Variants in SFI1 observed in about 807,000 individuals in gnomAD.
SFI1 encodes SFI1 centrin binding protein, also known as protein SFI1 homolog.
SFI1 carries 195 observed loss-of-function variants against 207.5 expected under a neutral mutation model. That is an observed-to-expected ratio of 0.94 (90% confidence interval 0.84 to 1.06). The LOEUF (loss-of-function observed/expected upper bound fraction) is 1.06, where lower values mean the gene tolerates loss of function less well. SFI1 is among the 50% of genes least tolerant of loss of function. The probability of loss-of-function intolerance (pLI) is 0.00; values close to 1 mark genes in which losing one functional copy is unlikely to be tolerated. For missense variants in SFI1, 1,634 were observed against 1,588.0 expected, an observed-to-expected ratio of 1.03 and a Z score of -0.49; for synonymous variants, 630 against 598.9, an observed-to-expected ratio of 1.05 and a Z score of -0.76.
At position 31,613,606 on chromosome 22, in the gene SFI1, C is replaced by G. The variant is rs763131591; in HGVS notation, c.2747C>G (p.Ala916Gly). 1 of 1,581,166 alleles carries G rather than the reference C, an allele frequency of 6.3e-7. No homozygotes were observed. The highest frequency in any genetic ancestry group is 1.1e-5 in the South Asian group (1 of 87,616). Residue 916 changes from alanine (A) to glycine (G), a missense_variant, in exon 27 of 33, where the codon GCT (alanine) becomes GGT (glycine). Transcript: ENST00000400288. ...TGACCAGAGGCTGTGTTGTAGGCGG[C>G]TCACAGTCTCCATCGTGCCGTCCGC... ...QLQAQQQVQA[A>G]HSLHRAVRRC...
intron 2 of SFI1, among the ~76,000 whole-genome samples, chr22:31,519,273 ATT>A (rs201811890): frequency 2.6e-4 from 34 of 132,082 alleles, no homozygotes; most frequent in Non-Finnish European, 2.4e-4. Context: ...TTTATTTTCC[ATT>A]TTTTTTTTTT....
chr22:31,524,571 C>T (rs1169090307), intron 2 of SFI1, among the ~76,000 whole-genome samples: 1 of 151,866 alleles, frequency 6.6e-6, no homozygotes, highest in African/African-American at 2.4e-5. Flanking sequence ...TACAAGCACA[C>T]ACCACCATGC....
chr22:31,613,156 G>A lies in SFI1; in HGVS notation c.2505G>A (p.Arg835=). 1 of 1,613,588 alleles carries A rather than the reference G, an allele frequency of 6.2e-7. No homozygotes were observed. The highest frequency in any genetic ancestry group is 8.5e-7 in the Non-Finnish European group (1 of 1,180,008). ...TCTGGCCCTAGCTGGCAGCCAGGAGGCAGGAGCAGCGGGCGACAGTGCGGG... is the reference window on the plus strand; with the variant it reads ...TCTGGCCCTAGCTGGCAGCCAGGAGACAGGAGCAGCGGGCGACAGTGCGGG... ...RQWRQQLAAR[R]QEQRATVRAL... The change falls in exon 25 of 33, where the codon AGG becomes AGA. Residue 835 remains arginine, a synonymous_variant. Coordinates refer to ENST00000400288, the MANE Select transcript of SFI1 (RefSeq NM_001007467.3).
chr22:31,580,647 A>G (rs925688831), intron 12 of SFI1, among the ~76,000 whole-genome samples: 5 of 150,606 alleles, frequency 3.3e-5, no homozygotes, highest in African/African-American at 1.2e-4. Context: ...GGTTCAAGCA[A>G]TTCTCCTGCC....
chr22:31,613,257 C>T lies in SFI1; in HGVS notation c.2565+41C>T, dbSNP rs376396387. On this transcript the variant is annotated intron_variant, in intron 25 of 32. Coordinates refer to ENST00000400288, the MANE Select transcript of SFI1 (RefSeq NM_001007467.3). ...CATCCTACCATCCCTGCCTCTCCCTCAGGCCTTAGCCCTGCCTTGGGTGGA... is the reference window on the plus strand; with the variant it reads ...CATCCTACCATCCCTGCCTCTCCCTTAGGCCTTAGCCCTGCCTTGGGTGGA... The T allele has an allele frequency of 3.1e-6, 5 of 1,612,544 alleles. No individual in the cohort carries two copies. In the African/African-American group the frequency reaches 4.0e-5, roughly 13 times the overall value.
At position 31,580,356 on chromosome 22, in the gene SFI1, G is replaced by A. The variant is rs904672555; in HGVS notation, c.1240G>A (p.Gly414Ser). Residue 414 changes from glycine to serine, a missense_variant, in exon 12 of 33, where the codon GGT becomes AGT. Physicochemically the swap from Gly to Ser is moderately conservative, Grantham distance 56. Transcript: ENST00000400288. Reference protein sequence around the residue: ...IRRNLAHQQHGVTLLHRFWNL... With the variant: ...IRRNLAHQQHSVTLLHRFWNL... ...AAGGAATCTTGCTCACCAGCAGCAT[G>A]GTGTCACGGTGAGGGTTGTCTTCTG... The A allele has an allele frequency of 2.5e-6, 4 of 1,613,322 alleles. No individual in the cohort carries two copies. The highest frequency in any genetic ancestry group is 1.3e-5 in the African/African-American group (1 of 74,858).
At chr22:31,525,509 C>G (rs1234746305) in intron 2 of SFI1, among the ~76,000 whole-genome samples, 1 of 152,138 alleles carries the variant, frequency 6.6e-6, no homozygotes, top group Non-Finnish European at 1.5e-5. Context: ...AGGCGGATCA[C>G]TTGAGCCTGG....
At chr22:31,612,427 A>ATATATATATATATAT (rs1569462696) in intron 24 of SFI1, 2 of 124,752 alleles carry the variant, frequency 1.6e-5, no homozygotes, top group African/African-American at 5.9e-5. Flanking sequence ...ATATATATAT[A>ATATATATATATATAT]ATCAGTGGGC....
intron 5 of SFI1, among the ~76,000 whole-genome samples, chr22:31,548,051 A>G (rs979523342): frequency 1.3e-5 from 2 of 151,374 alleles, no homozygotes; most frequent in Non-Finnish European, 1.5e-5. Flanking sequence ...CGTCTCTACT[A>G]AAAAATACAA....
intron 24 of SFI1, 136 bp from the exon 25 acceptor site, chr22:31,613,006 C>CT (rs768334486): frequency 2.4e-5 from 20 of 828,872 alleles, no homozygotes; most frequent in Non-Finnish European, 3.6e-5. Context: ...AGGCACAAGG[C>CT]TGGCCCTTCC....
At chr22:31,574,863 C>T (rs1268044330) in intron 9 of SFI1, among the ~76,000 whole-genome samples, 3 of 152,142 alleles carry the variant, frequency 2.0e-5, no homozygotes, top group South Asian at 4.2e-4. Flanking sequence ...TCGAGACCAG[C>T]TTGGCTAACA....
chr22:31,563,804 C>A (rs957936688), intron 8 of SFI1, among the ~76,000 whole-genome samples: 7 of 151,634 alleles, frequency 4.6e-5, no homozygotes, highest in Non-Finnish European at 1.0e-4. Flanking sequence ...AGGCTGGTCT[C>A]GAACTCCTGA....
At chr22:31,530,248 T>TG (rs1304437889) in intron 3 of SFI1, among the ~76,000 whole-genome samples, 8 of 140,764 alleles carry the variant, frequency 5.7e-5, no homozygotes, top group African/African-American at 2.1e-4. Context: ...CCCAGCACTT[T>TG]GGGAGGCCGA....
intron 24 of SFI1, 108 bp from the exon 25 acceptor site, chr22:31,613,034 G>A (rs561815806): frequency 8.4e-5 from 98 of 1,173,222 alleles, no homozygotes; most frequent in Non-Finnish European, 1.1e-4. Context: ...GGAAGTGGGA[G>A]CCTCGACTAG....
At chr22:31,525,578 G>A (rs1311073624) in intron 2 of SFI1, among the ~76,000 whole-genome samples, 1 of 152,094 alleles carries the variant, frequency 6.6e-6, no homozygotes, top group Non-Finnish European at 1.5e-5. Flanking sequence ...AATTAGCCAG[G>A]TGGTAGCATG....
chr22:31,600,246 A>G (rs557367586), intron 15 of SFI1, among the ~76,000 whole-genome samples: 55 of 152,316 alleles, frequency 3.6e-4, no homozygotes, highest in African/African-American at 1.3e-3. Flanking sequence ...TTGAGAAGAA[A>G]AAAATTCAGC....
rs1161846940 is a variant in SFI1 at position 31,582,236 on chromosome 22, A to AT, written c.1249-1608dup. Among the ~76,000 whole-genome samples, 35 of 10,136 alleles carry AT rather than the reference A, an allele frequency of 3.5e-3. 4 individuals are homozygous for AT. The highest frequency in any genetic ancestry group is 3.6e-3 in the Non-Finnish European group (21 of 5,774). 6.6% of individuals were successfully genotyped at this position (10,136 alleles called of 152,430 possible). ...TATATATATATATATATATATATAT[A>AT]TTTTTTTTTTTTTTTTTTTTTTTTT... is the stretch of plus-strand genomic sequence containing the variant. On this transcript the variant is annotated intron_variant, in intron 12 of 32. Coordinates refer to ENST00000400288, the MANE Select transcript of SFI1 (RefSeq NM_001007467.3).
chr22:31,613,898 C>A lies in SFI1; in HGVS notation c.2996+43C>A, dbSNP rs533269817. 2.6e-6 allele frequency: 4 copies of A among 1,540,974 alleles called. No homozygotes were observed. The East Asian group carries it at 6.8e-5, about 26-fold the overall frequency. ...ACCTTGTCCTCGCTTCCACCCTGGGCAAAAGGTTGGATGGCATAGCAGGGA... is the reference window on the plus strand; with the variant it reads ...ACCTTGTCCTCGCTTCCACCCTGGGAAAAAGGTTGGATGGCATAGCAGGGA... On this transcript the variant is annotated intron_variant, in intron 27 of 32. Coordinates refer to ENST00000400288, the MANE Select transcript of SFI1 (RefSeq NM_001007467.3).
chr22:31,580,488 C>CCAG, intron 12 of SFI1, 124 bp downstream of exon 12: 1 of 656,684 alleles, frequency 1.5e-6, no homozygotes, highest in Non-Finnish European at 2.6e-6. Context: ...CAAGATTTGT[C>CCAG]CAGACTGTCA....
Sources: allele counts gnomAD v4.1 joint callset (sites outside exome capture counted in the v4.1 genomes callset), GRCh38; gene constraint gnomAD v4.1.1; transcripts MANE v1.5; gene names NCBI Gene and HGNC (gene_info 2026-07-23, HGNC 2026-07-21).